ANK1: variants seen among roughly 807,000 people sequenced by gnomAD.
The protein encoded by ANK1 is ankyrin-1.
In ANK1, 51 loss-of-function variants were observed where a neutral mutation model predicts 210.4. That is an observed-to-expected ratio of 0.24 (90% CI 0.19 to 0.31). ANK1 has a LOEUF of 0.31. ANK1 is among the 10% of genes least tolerant of loss of function. ANK1 has a pLI of 1.00. For synonymous variants in ANK1, 967 were observed against 1,025.9 expected (o/e 0.94, Z 1.10); for missense variants, 2,051 against 2,504.4 (o/e 0.82, Z 3.86).
intron 12 of ANK1, 73 bp from the exon 13 acceptor site, chr8:41,717,124 G>C: frequency 6.5e-7 from 1 of 1,541,574 alleles, no homozygotes. Flanking sequence ...GAGCTAGGAA[G>C]TGCAGTCTGG....
intron 2 of ANK1, among the ~76,000 whole-genome samples, chr8:41,748,791 T>C (rs142208440): frequency 0.013 from 2,036 of 152,270 alleles, 51 homozygotes; most frequent in African/African-American, 0.047. Context: ...ATCCCAGCAC[T>C]TTGGGAGGCT....
At position 41,672,471 on chromosome 8, in the gene ANK1, G is replaced by A. The variant is rs1324840596; in HGVS notation, c.4979C>T (p.Thr1660Ile). ...LPGSKRQDDA[T>I]GAGQDSENEV... ...ATTCTCTGAGTCCTGCCCTGCACCT[G>A]TCGCGTCATCCTGCCTCTTAGAACC... Residue 1660 changes from threonine (T) to isoleucine (I), a missense_variant, in exon 38 of 43, where the codon ACA (threonine) becomes ATA (isoleucine). Physicochemically the swap from Thr to Ile is moderately conservative, Grantham distance 89. Around this residue, in one of 6 missense-constraint regions of ANK1, gnomAD observed 496 missense variants for 533.4 expected, o/e 0.93. Coordinates refer to ENST00000289734, the MANE Select transcript of ANK1 (RefSeq NM_000037.4). 7.4e-6 allele frequency: 12 copies of A among 1,614,236 alleles called. No individual in the cohort carries two copies. In the African/African-American group the frequency reaches 9.3e-5, roughly 13 times the overall value.
rs79077040 is a variant in ANK1, at chr8:41,669,737, C to T, written c.5097-1173G>A. Among the ~76,000 whole-genome samples, 672 of 152,302 alleles carry T rather than the reference C, an allele frequency of 4.4e-3. 6 individuals are homozygous for T. Among genetic ancestry groups the T allele is most frequent in the East Asian group, 0.034 (175 of 5,176 alleles). On this transcript the variant is annotated intron_variant, in intron 38 of 42. Coordinates refer to ENST00000289734, the MANE Select transcript of ANK1 (RefSeq NM_000037.4). Reference sequence around the variant, plus strand: ...TGCCCTGCACCCGCCCACCTCTCAGCACGGCCACCGCTGCCGTCCCAGCCC... The same window carrying T: ...TGCCCTGCACCCGCCCACCTCTCAGTACGGCCACCGCTGCCGTCCCAGCCC...
chr8:41,847,973 T>A (rs1810386673), intron 1 of ANK1, among the ~76,000 whole-genome samples: 1 of 151,988 alleles, frequency 6.6e-6, no homozygotes, highest in South Asian at 2.1e-4. Context: ...TCACTTGAGG[T>A]CAGGAGTTTG....
At chr8:41,841,909 T>C (rs1394740541) in intron 1 of ANK1, among the ~76,000 whole-genome samples, 1 of 152,194 alleles carries the variant, frequency 6.6e-6, no homozygotes, top group Non-Finnish European at 1.5e-5. Flanking sequence ...TCACCTGCCG[T>C]GGGGACTCCC....
chr8:41,719,228 A>G (rs12549656), intron 10 of ANK1, among the ~76,000 whole-genome samples: 38,703 of 152,080 alleles, frequency 0.25, 5,008 homozygotes, highest in Middle Eastern at 0.35. Flanking sequence ...CATGAGAACT[A>G]CAAGCCCCTC....
intron 1 of ANK1, among the ~76,000 whole-genome samples, chr8:41,886,699 A>G (rs1043068885): frequency 6.6e-6 from 1 of 152,208 alleles, no homozygotes; most frequent in South Asian, 2.1e-4. Flanking sequence ...GTATCAGTGT[A>G]CAGCCCAGTG....
At chr8:41,779,029 C>A (rs1326378524) in intron 1 of ANK1, among the ~76,000 whole-genome samples, 1 of 152,102 alleles carries the variant, frequency 6.6e-6, no homozygotes, top group Non-Finnish European at 1.5e-5. Context: ...CTGTGGGGTG[C>A]AGTACCCGAT....
chr8:41,768,656 G>A (rs1240068395), intron 1 of ANK1, among the ~76,000 whole-genome samples: 2 of 152,170 alleles, frequency 1.3e-5, no homozygotes, highest in Admixed American at 6.5e-5. Context: ...TAACAATAGT[G>A]TACTCAGCGC....
At chr8:41,665,225 C>T in intron 39 of ANK1, 1 of 1,520,788 alleles carries the variant, frequency 6.6e-7, no homozygotes, top group South Asian at 1.2e-5. Flanking sequence ...TCGGCTGAAG[C>T]AGCCCGGCCC....
chr8:41,789,628 T>C (rs1211633648), intron 1 of ANK1, among the ~76,000 whole-genome samples: 2 of 152,164 alleles, frequency 1.3e-5, no homozygotes, highest in African/African-American at 4.8e-5. Context: ...TGAAGACTAG[T>C]GGGGAGACAG....
intron 1 of ANK1, among the ~76,000 whole-genome samples, chr8:41,772,394 T>C (rs1228775616): frequency 6.6e-6 from 1 of 152,208 alleles, no homozygotes; most frequent in Non-Finnish European, 1.5e-5. Context: ...GCACATTTGG[T>C]AAGTGCTCTA....
At chr8:41,775,755 T>C (rs540058638) in intron 1 of ANK1, among the ~76,000 whole-genome samples, 2 of 152,206 alleles carry the variant, frequency 1.3e-5, no homozygotes, top group Admixed American at 1.3e-4. Flanking sequence ...TACATGGTGG[T>C]GCGCACCTGT....
At chr8:41,814,512 G>A (rs529187896) in intron 1 of ANK1, among the ~76,000 whole-genome samples, 17 of 152,244 alleles carry the variant, frequency 1.1e-4, no homozygotes, top group Admixed American at 3.3e-4. Flanking sequence ...TGATCATAAA[G>A]TTATCAGAAA....
At chr8:41,892,436 T>C (rs1284074067) in intron 1 of ANK1, among the ~76,000 whole-genome samples, 3 of 152,222 alleles carry the variant, frequency 2.0e-5, no homozygotes, top group African/African-American at 7.2e-5. Context: ...GGGCTTTCTT[T>C]TCTTTCTTCC....
chr8:41,680,132 A>T (rs1334207366), intron 37 of ANK1, among the ~76,000 whole-genome samples: 2 of 152,138 alleles, frequency 1.3e-5, no homozygotes, highest in Admixed American at 6.5e-5. Flanking sequence ...CACTCCTTGG[A>T]ATTGCGATGA....
At chr8:41,873,871 A>G (rs1563945195) in intron 1 of ANK1, among the ~76,000 whole-genome samples, 1 of 152,198 alleles carries the variant, frequency 6.6e-6, no homozygotes, top group Non-Finnish European at 1.5e-5. Flanking sequence ...CGTTGAACCA[A>G]GGCTGGCAAA....
intron 1 of ANK1, among the ~76,000 whole-genome samples, chr8:41,846,542 A>AGG (rs1810092544): frequency 6.6e-6 from 1 of 152,246 alleles, no homozygotes; most frequent in Admixed American, 6.5e-5. Flanking sequence ...TCCCAGGAAC[A>AGG]GGGGCCAAGG....
intron 1 of ANK1, among the ~76,000 whole-genome samples, chr8:41,893,597 G>A (rs904372655): frequency 6.6e-6 from 1 of 152,210 alleles, no homozygotes; most frequent in African/African-American, 2.4e-5. Context: ...CAAACGGGAG[G>A]GATGCGGTTC....
Sources: gnomAD v4.1 joint callset for allele counts (sites outside exome capture counted in the v4.1 genomes callset) on GRCh38, gnomAD v4.1.1 for gene constraint, gnomAD v4.1.1 regional missense constraint, MANE v1.5 for transcripts, NCBI Gene and HGNC (gene_info 2026-07-23, HGNC 2026-07-21) for gene names.